Variants in MLPH observed in about 807,000 individuals in gnomAD.
MLPH encodes exophilin-3.
MLPH carries 51 observed loss-of-function variants against 72.1 expected under a neutral mutation model. The ratio of observed to expected loss-of-function variants is 0.71; its 90% confidence interval spans 0.56 to 0.89. The LOEUF (loss-of-function observed/expected upper bound fraction) is 0.89. Ranked by LOEUF, MLPH falls within the 40% of genes least tolerant of loss-of-function variation. The pLI, the probability that MLPH is intolerant of heterozygous loss-of-function variation, is 0.00. For synonymous variants in MLPH, 301 were observed against 310.1 expected, an observed-to-expected ratio of 0.97 and a Z score of 0.31; for missense variants, 743 against 759.9, an observed-to-expected ratio of 0.98 and a Z score of 0.26.
At chr2:237,493,111 A>T (rs1183196779) in intron 1 of MLPH, among the ~76,000 whole-genome samples, 1 of 152,192 alleles carries the variant, frequency 6.6e-6, no homozygotes, top group Non-Finnish European at 1.5e-5. Flanking sequence ...GGATGGGGAG[A>T]TCACTGACGT....
At chr2:237,522,484 T>A (rs10168932) in intron 6 of MLPH, among the ~76,000 whole-genome samples, 2,942 of 57,854 alleles carry the variant, frequency 0.051, 2 homozygotes, top group African/African-American at 0.21. Flanking sequence ...GGAGTGGAGC[T>A]GGGCTGAGAC....
intron 2 of MLPH, among the ~76,000 whole-genome samples, chr2:237,503,892 G>A (rs888516047): frequency 5.3e-5 from 8 of 152,148 alleles, no homozygotes; most frequent in African/African-American, 1.9e-4. Context: ...TACAGAAATG[G>A]GATTATGCAT....
Position 237,511,196 on chromosome 2 carries a change from GTGTGTGTGCATGTGTGTGTGCACA to G in MLPH, c.445+108_445+131del, listed in dbSNP as rs1280361410. On this transcript the variant is annotated intron_variant, in intron 4 of 15. Transcript: ENST00000264605. ...GGAGTGTGCATGTGTGTGTGTACGTGTGTGTGTGCATGTGTGTGTGCACATGTGTGTGCATGCACATGCCTCTCT... is the reference window on the plus strand; with the variant it reads ...GGAGTGTGCATGTGTGTGTGTACGTGTGTGTGTGCATGCACATGCCTCTCT... 9.6e-6 allele frequency: 9 copies of G among 938,172 alleles called. No homozygotes were observed. In the Admixed American group the frequency reaches 1.2e-4, roughly 13 times the overall value. 58.1% of individuals were successfully genotyped at this position (938,172 alleles called of 1,614,324 possible). A position where few individuals can be genotyped will look rare whatever the true frequency, so the allele number is the denominator to read the frequency against.
chr2:237,536,996 C>G (rs1356791198), intron 9 of MLPH, among the ~76,000 whole-genome samples: 1 of 152,242 alleles, frequency 6.6e-6, no homozygotes, highest in Non-Finnish European at 1.5e-5. Context: ...CCCATACACT[C>G]CCCGCGAGGG....
chr2:237,509,085 G>A (rs6431544), intron 2 of MLPH, among the ~76,000 whole-genome samples: 52,380 of 152,036 alleles, frequency 0.34, 11,823 homozygotes, highest in African/African-American at 0.64. Flanking sequence ...TTGTTGATAC[G>A]TCCTGGAGTG....
At chr2:237,521,492 G>T (rs1353381762) in intron 6 of MLPH, among the ~76,000 whole-genome samples, 2 of 152,258 alleles carry the variant, frequency 1.3e-5, no homozygotes, top group South Asian at 4.1e-4. Context: ...GCTTTAAAAA[G>T]GCGTGGGTGC....
At chr2:237,531,069 C>T (rs1028023801) in intron 8 of MLPH, among the ~76,000 whole-genome samples, 2 of 152,176 alleles carry the variant, frequency 1.3e-5, no homozygotes, top group African/African-American at 4.8e-5. Context: ...CTGTGTCATG[C>T]GGCAGCTGGG....
intron 8 of MLPH, among the ~76,000 whole-genome samples, chr2:237,529,490 T>C (rs2106348811): frequency 6.6e-6 from 1 of 152,376 alleles, no homozygotes; most frequent in South Asian, 2.1e-4. Context: ...TTGCTGCATT[T>C]AAATGATGAT....
At chr2:237,529,296 G>A (rs1188929865) in intron 8 of MLPH, among the ~76,000 whole-genome samples, 1 of 152,152 alleles carries the variant, frequency 6.6e-6, no homozygotes, top group African/African-American at 2.4e-5. Context: ...GCCCACCTCG[G>A]CCTCCCAAAG....
intron 1 of MLPH, among the ~76,000 whole-genome samples, chr2:237,489,859 A>G (rs954971830): frequency 2.0e-5 from 3 of 152,178 alleles, no homozygotes; most frequent in African/African-American, 7.2e-5. Flanking sequence ...GATAAAGATG[A>G]CACACTACTG....
At chr2:237,553,085 T>C (rs1243739610) in intron 15 of MLPH, 1 of 471,226 alleles carries the variant, frequency 2.1e-6, no homozygotes, top group Non-Finnish European at 4.4e-6. Context: ...TACTTGGTTA[T>C]ACTCTATGCA....
chr2:237,501,903 C>T (rs1406520815), intron 2 of MLPH, among the ~76,000 whole-genome samples: 2 of 152,128 alleles, frequency 1.3e-5, no homozygotes, highest in Admixed American at 1.3e-4. Flanking sequence ...CCGCTCATCT[C>T]CAAATAATGT....
chr2:237,536,150 G>A (rs4420668), intron 9 of MLPH, among the ~76,000 whole-genome samples: 30,197 of 152,062 alleles, frequency 0.2, 3,635 homozygotes, highest in African/African-American at 0.33. Flanking sequence ...GGTGAAGCTC[G>A]GGTTGGGGGC....
At chr2:237,487,228 G>A (rs1574529), upstream of MLPH, 24,043 of 152,264 alleles carry the variant, frequency 0.16, 2,702 homozygotes, top group African/African-American at 0.31. Flanking sequence ...CGTGGTTCGG[G>A]CGGGAGGCGC....
At chr2:237,495,167 T>C (rs2079510579) in intron 2 of MLPH, among the ~76,000 whole-genome samples, 1 of 152,192 alleles carries the variant, frequency 6.6e-6, no homozygotes, top group South Asian at 2.1e-4. Flanking sequence ...GCCTCCATGC[T>C]CACATCTCTC....
intron 2 of MLPH, among the ~76,000 whole-genome samples, chr2:237,507,913 G>T (rs1264877208): frequency 6.6e-6 from 1 of 152,052 alleles, no homozygotes; most frequent in Non-Finnish European, 1.5e-5. Flanking sequence ...AGCTCAGGTG[G>T]CGATCGGAAC....
chr2:237,514,896 A>G (rs1372066887), intron 4 of MLPH, among the ~76,000 whole-genome samples: 1 of 152,178 alleles, frequency 6.6e-6, no homozygotes, highest in African/African-American at 2.4e-5. Flanking sequence ...ATCTTCCCAG[A>G]CATTCCTAAA....
At chr2:237,518,440 A>G in intron 4 of MLPH, 99 bp from the exon 5 acceptor site, 1 of 926,888 alleles carries the variant, frequency 1.1e-6, no homozygotes, top group Admixed American at 2.0e-5. Context: ...ATGGGCAGGT[A>G]GATGGATAGA....
chr2:237,520,582 T>A (rs1015890228), intron 6 of MLPH, among the ~76,000 whole-genome samples: 1 of 152,238 alleles, frequency 6.6e-6, no homozygotes, highest in Non-Finnish European at 1.5e-5. Flanking sequence ...GTGGCCTTTG[T>A]CCCTGGAACC....
Sources: allele counts gnomAD v4.1 joint callset (sites outside exome capture counted in the v4.1 genomes callset), GRCh38; gene constraint gnomAD v4.1.1; transcripts MANE v1.5; gene names NCBI Gene and HGNC (gene_info 2026-07-23, HGNC 2026-07-21).